NTM: variants seen among roughly 807,000 people sequenced by gnomAD.
The protein encoded by NTM is IgLON family member 2.
NTM carries 13 observed loss-of-function variants against 42.1 expected under a neutral mutation model. The ratio of observed to expected loss-of-function variants is 0.31; its 90% CI spans 0.20 to 0.49. The LOEUF (loss-of-function observed/expected upper bound fraction) is 0.49, where lower values mean the gene tolerates loss of function less well. NTM is among the 20% of genes least tolerant of loss of function. The probability of loss-of-function intolerance (pLI) is 0.99; values close to 1 mark genes in which losing one functional copy is unlikely to be tolerated. For missense variants in NTM, 373 were observed against 452.8 expected (o/e 0.82, Z 1.60); for synonymous variants, 187 against 179.2 (o/e 1.04, Z -0.35).
At chr11:131,615,535 T>C (rs1320310758) in intron 1 of NTM, among the ~76,000 whole-genome samples, 1 of 152,098 alleles carries the variant, frequency 6.6e-6, no homozygotes, top group African/African-American at 2.4e-5. Flanking sequence ...CTGGCTAATT[T>C]TTTTGTAATT....
At chr11:132,294,384 T>C (rs2094547149) in intron 4 of NTM, among the ~76,000 whole-genome samples, 1 of 152,052 alleles carries the variant, frequency 6.6e-6, no homozygotes, top group African/African-American at 2.4e-5. Context: ...TACTGTACCA[T>C]GGAAGGTGCC....
intron 1 of NTM, among the ~76,000 whole-genome samples, chr11:131,520,829 G>T (rs1434231938): frequency 1.3e-5 from 2 of 151,942 alleles, no homozygotes; most frequent in Non-Finnish European, 2.9e-5. Flanking sequence ...CCATTTTGGT[G>T]TTTCTATAAA....
intron 1 of NTM, among the ~76,000 whole-genome samples, chr11:131,851,312 G>T (rs992589000): frequency 6.6e-6 from 1 of 152,126 alleles, no homozygotes; most frequent in Non-Finnish European, 1.5e-5. Flanking sequence ...AGGGTGTACA[G>T]TCCAGCACCG....
intron 1 of NTM, among the ~76,000 whole-genome samples, chr11:131,627,342 G>A (rs374673998): frequency 1.3e-5 from 2 of 151,900 alleles, no homozygotes; most frequent in East Asian, 3.9e-4. Context: ...TCTGAGGAAA[G>A]TATAGCATTC....
chr11:132,292,031 A>G (rs1021880923), intron 4 of NTM, among the ~76,000 whole-genome samples: 8 of 152,318 alleles, frequency 5.3e-5, no homozygotes, highest in Middle Eastern at 3.4e-3. Context: ...GTGTTAAGGC[A>G]GACATTAGAA....
At chr11:132,181,526 G>A (rs373155334) in intron 3 of NTM, among the ~76,000 whole-genome samples, 2 of 152,072 alleles carry the variant, frequency 1.3e-5, no homozygotes. Context: ...CAATCAATGG[G>A]GATTGATTCA....
intron 2 of NTM, among the ~76,000 whole-genome samples, chr11:132,046,393 A>G (rs2077994846): frequency 6.6e-6 from 1 of 152,040 alleles, no homozygotes; most frequent in African/African-American, 2.4e-5. Flanking sequence ...AAAGAAAAAA[A>G]AAAACCCACC....
At chr11:131,820,007 A>G (rs982598646) in intron 1 of NTM, among the ~76,000 whole-genome samples, 14 of 152,168 alleles carry the variant, frequency 9.2e-5, no homozygotes, top group Admixed American at 8.5e-4. Flanking sequence ...TTTTTGAGTG[A>G]CAAAGCCTTT....
intron 2 of NTM, among the ~76,000 whole-genome samples, chr11:132,086,323 CAAAAA>C (rs71067358): frequency 1.5e-4 from 15 of 98,974 alleles, no homozygotes; most frequent in African/African-American, 3.6e-4. Context: ...GACTCCATGT[CAAAAA>C]AAAAAAAAAA....
intron 1 of NTM, among the ~76,000 whole-genome samples, chr11:131,626,003 G>A (rs1012834945): frequency 5.9e-5 from 9 of 152,048 alleles, no homozygotes; most frequent in Non-Finnish European, 1.2e-4. Flanking sequence ...TTTTATCTGT[G>A]GCACGTGGCT....
chr11:131,650,308 C>T (rs1382426692), intron 1 of NTM, among the ~76,000 whole-genome samples: 1 of 152,182 alleles, frequency 6.6e-6, no homozygotes, highest in Non-Finnish European at 1.5e-5. Flanking sequence ...GTGTGCTAGT[C>T]AAGAGGTGTG....
At chr11:131,833,494 G>A (rs2043085125) in intron 1 of NTM, among the ~76,000 whole-genome samples, 2 of 152,170 alleles carry the variant, frequency 1.3e-5, no homozygotes, top group South Asian at 4.1e-4. Context: ...CACACAGCCA[G>A]TAAGTGACAA....
intron 1 of NTM, among the ~76,000 whole-genome samples, chr11:131,444,243 G>A (rs1244334753): frequency 7.0e-6 from 1 of 143,368 alleles, no homozygotes; most frequent in African/African-American, 2.6e-5. Context: ...AGCCAATATG[G>A]GGGACAGAAA....
At chr11:131,410,456 G>T (rs1231871958) in intron 1 of NTM, among the ~76,000 whole-genome samples, 1 of 139,820 alleles carries the variant, frequency 7.2e-6, no homozygotes, top group African/African-American at 2.7e-5. Flanking sequence ...TTGTACCACT[G>T]CACTCCAGCC....
intron 1 of NTM, among the ~76,000 whole-genome samples, chr11:131,639,700 G>T (rs1328774722): frequency 2.6e-5 from 4 of 152,182 alleles, no homozygotes; most frequent in African/African-American, 7.2e-5. Context: ...GCTCACGCCT[G>T]TAATCCCAGC....
intron 1 of NTM, among the ~76,000 whole-genome samples, chr11:131,789,037 T>C (rs2089738121): frequency 6.6e-6 from 1 of 152,104 alleles, no homozygotes; most frequent in Non-Finnish European, 1.5e-5. Flanking sequence ...CGTGGAGCAC[T>C]CTCTGAATGA....
chr11:131,832,625 T>C (rs73583953), intron 1 of NTM, among the ~76,000 whole-genome samples: 18,147 of 152,110 alleles, frequency 0.12, 1,246 homozygotes, highest in Admixed American at 0.2. Flanking sequence ...GGGTCTGGCA[T>C]TGGGGTTCTT....
intron 7 of NTM, chr11:132,317,667 C>T (rs1316659393): frequency 1.5e-6 from 2 of 1,303,702 alleles, no homozygotes; most frequent in South Asian, 1.2e-5. Flanking sequence ...CTAAATGAGC[C>T]TACGAGCTCA....
intron 4 of NTM, among the ~76,000 whole-genome samples, chr11:132,275,750 G>GTA (rs61689140): frequency 1.7e-4 from 20 of 119,948 alleles, no homozygotes; most frequent in Non-Finnish European, 2.2e-4. Flanking sequence ...ATATATATGT[G>GTA]TATATATATA....
Sources: gnomAD v4.1 joint callset for allele counts (sites outside exome capture counted in the v4.1 genomes callset) on GRCh38, gnomAD v4.1.1 for gene constraint, MANE v1.5 for transcripts, NCBI Gene and HGNC (gene_info 2026-07-23, HGNC 2026-07-21) for gene names.